Variants in PNLIPRP3 observed in about 807,000 individuals in gnomAD.
PNLIPRP3 encodes the protein pancreatic lipase related protein 3.
PNLIPRP3 carries 58 observed loss-of-function variants against 52.8 expected under a neutral mutation model. The observed-to-expected ratio is 1.10, with a 90% CI of 0.89 to 1.37. PNLIPRP3 has a LOEUF of 1.37. PNLIPRP3 is among the 40% of genes most tolerant of loss of function. The pLI is 0.00. For missense variants in PNLIPRP3, 593 were observed against 561.6 expected (o/e 1.06, Z -0.57); for synonymous variants, 192 against 185.0 (o/e 1.04, Z -0.31).
chr10:116,443,855 A>T (rs1335790644), intron 3 of PNLIPRP3, among the ~76,000 whole-genome samples: 1 of 139,316 alleles, frequency 7.2e-6, no homozygotes, highest in Non-Finnish European at 1.5e-5. Context: ...GGGTTAGGAC[A>T]TACGTATATA....
intron 1 of PNLIPRP3, among the ~76,000 whole-genome samples, chr10:116,435,689 C>T (rs1845764932): frequency 6.6e-6 from 1 of 152,170 alleles, no homozygotes; most frequent in Non-Finnish European, 1.5e-5. Context: ...CGATGTTGAG[C>T]ATCTTTTCAT....
chr10:116,446,487 T>G (rs1845953892), intron 4 of PNLIPRP3, among the ~76,000 whole-genome samples: 1 of 152,016 alleles, frequency 6.6e-6, no homozygotes, highest in Admixed American at 6.6e-5. Flanking sequence ...TATAAAACTG[T>G]CATAACTGGT....
At chr10:116,438,267 C>A (rs574971351) in intron 2 of PNLIPRP3, among the ~76,000 whole-genome samples, 1 of 152,056 alleles carries the variant, frequency 6.6e-6, no homozygotes, top group Non-Finnish European at 1.5e-5. Context: ...AGCAGAGAAA[C>A]GAGGGCAGGA....
At chr10:116,443,789 GTA>G (rs1845896894) in intron 3 of PNLIPRP3, among the ~76,000 whole-genome samples, 10 of 14,072 alleles carry the variant, frequency 7.1e-4, no homozygotes, top group East Asian at 2.7e-3. Context: ...GTGTGTGTAT[GTA>G]TGTGTGTGTG....
intron 7 of PNLIPRP3, among the ~76,000 whole-genome samples, chr10:116,462,885 T>G (rs547827412): frequency 6.6e-6 from 1 of 152,190 alleles, no homozygotes; most frequent in African/African-American, 2.4e-5. Context: ...TATAACTTTA[T>G]TGGATTAAAA....
chr10:116,457,267 G>C lies in PNLIPRP3; in HGVS notation c.565+1437G>C, dbSNP rs906748218. Among the ~76,000 whole-genome samples the C allele has an allele frequency of 2.0e-5, 3 of 152,080 alleles. No homozygotes were observed. In the South Asian group the frequency reaches 6.2e-4, roughly 32 times the overall value. On this transcript the variant is annotated intron_variant, in intron 5 of 11. Coordinates refer to ENST00000369230, the MANE Select transcript of PNLIPRP3 (RefSeq NM_001011709.3). Reference sequence around the variant, plus strand: ...ATGAGCCTGTTATTTTTAACAGAAAGCCTCCTTACTGCATTGACTCCAGGC... The same window carrying C: ...ATGAGCCTGTTATTTTTAACAGAAACCCTCCTTACTGCATTGACTCCAGGC...
At chr10:116,459,960 G>T (rs1420505182) in intron 5 of PNLIPRP3, among the ~76,000 whole-genome samples, 3 of 152,090 alleles carry the variant, frequency 2.0e-5, no homozygotes, top group Admixed American at 6.5e-5. Context: ...TAGAGACGGG[G>T]TTTCACCATC....
intron 5 of PNLIPRP3, among the ~76,000 whole-genome samples, chr10:116,457,492 C>G (rs894057674): frequency 1.3e-5 from 2 of 152,172 alleles, no homozygotes; most frequent in Non-Finnish European, 2.9e-5. Flanking sequence ...GTTGATATAA[C>G]AGGCTTATTC....
At position 116,444,372 on chromosome 10, in the gene PNLIPRP3, T is replaced by G. The variant is rs1298624314; in HGVS notation, c.325-10T>G. ...TATTTATTTAATATTTATATAAATCTTTGTGCCAGGTGTTGCTACAGCTGG... is the reference window on the plus strand; with the variant it reads ...TATTTATTTAATATTTATATAAATCGTTGTGCCAGGTGTTGCTACAGCTGG... On this transcript the variant is annotated splice_polypyrimidine_tract_variant and intron_variant, in intron 3 of 11. Transcript: ENST00000369230. 1 of 1,596,988 alleles carries G rather than the reference T, an allele frequency of 6.3e-7. No individual in the cohort carries two copies. The highest frequency in any genetic ancestry group is 8.5e-7 in the Non-Finnish European group (1 of 1,171,298).
intron 4 of PNLIPRP3, among the ~76,000 whole-genome samples, chr10:116,446,278 G>A (rs1845949148): frequency 6.6e-6 from 1 of 151,104 alleles, no homozygotes; most frequent in East Asian, 2.0e-4. Context: ...CCCGGGAGGC[G>A]GAGCTTGCAG....
In PNLIPRP3 at chr10:116,460,967, G is replaced by A; in HGVS notation, c.567G>A (p.Gly189=). 6.2e-7 allele frequency: 1 copy of A among 1,611,738 alleles called. No homozygotes were observed. The highest frequency in any genetic ancestry group is 8.5e-7 in the Non-Finnish European group (1 of 1,179,976). ...ATGTCTTGGTTGTGCTTTCTCTAGG[G>A]TTGGACCCAGCTGGGCCATTTTTCC... ...SRIPGLGRIT[G]LDPAGPFFHN... is the part of the protein sequence containing the mutation. The change falls in exon 6 of 12, where the codon GGG becomes GGA. Residue 189 remains glycine (G), a splice_region_variant and synonymous_variant. Transcript: ENST00000369230.
intron 8 of PNLIPRP3, among the ~76,000 whole-genome samples, chr10:116,466,618 G>A (rs1846285459): frequency 6.6e-6 from 1 of 151,938 alleles, no homozygotes; most frequent in Non-Finnish European, 1.5e-5. Flanking sequence ...TTTATACAGA[G>A]CAGAACTAAA....
chr10:116,451,541 T>C (rs760740340), intron 4 of PNLIPRP3, among the ~76,000 whole-genome samples: 21 of 152,168 alleles, frequency 1.4e-4, no homozygotes, highest in Admixed American at 2.0e-4. Flanking sequence ...GGATCCCCCA[T>C]GAATGGCTTA....
Position 116,427,957 on chromosome 10 carries a change from CTT to C in PNLIPRP3, c.-54_-53del. On this transcript the variant is annotated 5_prime_UTR_variant, in exon 1 of 12. Transcript: ENST00000369230. ...CACTTAGTATTTTATAGTGAGGTGACTTTACAAGTAAAGATCTTCAAGAAGAT... is the reference window on the plus strand; with the variant it reads ...CACTTAGTATTTTATAGTGAGGTGACTACAAGTAAAGATCTTCAAGAAGAT... The C allele has an allele frequency of 7.3e-7, 1 of 1,364,872 alleles. No individual in the cohort carries two copies. The highest frequency in any genetic ancestry group is 2.3e-5 in the East Asian group (1 of 43,394). The allele number at this position is 1,364,872 out of a possible 1,614,324, so 84.5% of individuals were successfully genotyped here.
intron 2 of PNLIPRP3, among the ~76,000 whole-genome samples, chr10:116,437,730 G>A (rs1845796579): frequency 6.6e-6 from 1 of 152,078 alleles, no homozygotes; most frequent in African/African-American, 2.4e-5. Context: ...TTAGAACTGT[G>A]CTGTCCAACA....
At chr10:116,441,883 C>A (rs546299630) in intron 2 of PNLIPRP3, among the ~76,000 whole-genome samples, 1 of 152,236 alleles carries the variant, frequency 6.6e-6, no homozygotes, top group South Asian at 2.1e-4. Flanking sequence ...CAATGCCTGG[C>A]AAATAGACAG....
At chr10:116,451,531 G>A (rs1821988855) in intron 4 of PNLIPRP3, among the ~76,000 whole-genome samples, 1 of 152,096 alleles carries the variant, frequency 6.6e-6, no homozygotes, top group Non-Finnish European at 1.5e-5. Flanking sequence ...TCATGGGGGT[G>A]GATCCCCCAT....
At chr10:116,440,907 G>A (rs987599897) in intron 2 of PNLIPRP3, among the ~76,000 whole-genome samples, 2 of 152,150 alleles carry the variant, frequency 1.3e-5, no homozygotes, top group African/African-American at 4.8e-5. Context: ...CACTGGAAAT[G>A]TAGTCATCAG....
At chr10:116,451,912 G>C (rs577974235) in intron 4 of PNLIPRP3, among the ~76,000 whole-genome samples, 1 of 152,210 alleles carries the variant, frequency 6.6e-6, no homozygotes, top group Non-Finnish European at 1.5e-5. Flanking sequence ...TGATTTTGGA[G>C]CTGGGAAATG....
Sources: gnomAD v4.1 joint callset for allele counts (sites outside exome capture counted in the v4.1 genomes callset) on GRCh38, gnomAD v4.1.1 for gene constraint, MANE v1.5 for transcripts, NCBI Gene and HGNC (gene_info 2026-07-23, HGNC 2026-07-21) for gene names.